The following PLEKHA6 variants were observed in gnomAD, a reference collection of about 807,000 sequenced individuals.
PLEKHA6 encodes pleckstrin homology domain containing A6, also known as pleckstrin homology domain-containing family A member 6.
A neutral mutation model predicts 116.7 loss-of-function variants in PLEKHA6; 60 were observed. The observed-to-expected ratio is 0.51, with a 90% CI of 0.42 to 0.64. The LOEUF (loss-of-function observed/expected upper bound fraction) is 0.64, where lower values mean the gene tolerates loss of function less well. Ranked by LOEUF, PLEKHA6 falls within the 30% of genes least tolerant of loss-of-function variation. The pLI is 0.00. For synonymous variants in PLEKHA6, 489 were observed against 556.1 expected (o/e 0.88, Z 1.70); for missense variants, 1,338 against 1,422.7 (o/e 0.94, Z 0.96).
upstream of PLEKHA6, among the ~76,000 whole-genome samples, chr1:204,363,861 T>A (rs1223970473): frequency 6.6e-6 from 1 of 152,106 alleles, no homozygotes; most frequent in African/African-American, 2.4e-5. Flanking sequence ...ATTCTTGCGG[T>A]AAGTGCATAC....
At chr1:204,292,003 A>G (rs1669815859) in intron 1 of PLEKHA6, among the ~76,000 whole-genome samples, 1 of 152,200 alleles carries the variant, frequency 6.6e-6, no homozygotes, top group Admixed American at 6.5e-5. Context: ...TCACATGGTG[A>G]TGGAATGAGG....
chr1:204,314,266 A>G (rs1362910265), intron 1 of PLEKHA6, among the ~76,000 whole-genome samples: 1 of 152,210 alleles, frequency 6.6e-6, no homozygotes, highest in Admixed American at 6.5e-5. Context: ...CCTGTGTCTC[A>G]GAGTCCTGTT....
At chr1:204,318,877 A>G (rs1422859628) in intron 1 of PLEKHA6, among the ~76,000 whole-genome samples, 3 of 152,154 alleles carry the variant, frequency 2.0e-5, no homozygotes, top group Non-Finnish European at 2.9e-5. Flanking sequence ...TAGGAGGGGA[A>G]TATTCTCTGA....
chr1:204,298,231 A>G (rs1670475562), intron 1 of PLEKHA6, among the ~76,000 whole-genome samples: 1 of 152,208 alleles, frequency 6.6e-6, no homozygotes, highest in African/African-American at 2.4e-5. Flanking sequence ...CCTAAGCAAG[A>G]TGGTGGGCCT....
At chr1:204,284,502 C>G (rs1276459286) in intron 1 of PLEKHA6, among the ~76,000 whole-genome samples, 1 of 152,154 alleles carries the variant, frequency 6.6e-6, no homozygotes, top group East Asian at 1.9e-4. Context: ...AGCGATATCC[C>G]TGCACTGCTG....
upstream of PLEKHA6, among the ~76,000 whole-genome samples, chr1:204,363,068 C>G (rs1026754066): frequency 6.6e-6 from 1 of 152,252 alleles, no homozygotes; most frequent in Non-Finnish European, 1.5e-5. Context: ...TGTACCAGAA[C>G]TGCTGCCCCA....
intron 1 of PLEKHA6, among the ~76,000 whole-genome samples, chr1:204,292,512 G>C (rs1669871775): frequency 6.6e-6 from 1 of 151,598 alleles, no homozygotes; most frequent in Admixed American, 6.6e-5. Context: ...ACCCACCTGT[G>C]TCCCTCACCC....
At chr1:204,247,953 T>A (rs1571865350) in intron 12 of PLEKHA6, among the ~76,000 whole-genome samples, 2 of 148,380 alleles carry the variant, frequency 1.3e-5, no homozygotes, top group Non-Finnish European at 1.5e-5. Flanking sequence ...ACCCTGTTCT[T>A]AAAAAAAAAA....
rs113558730 is a variant in PLEKHA6 at position 204,374,745 on chromosome 1, A to G, written c.83+2838T>C. Reference sequence around the variant, plus strand: ...GTCTAAACACGCTGCCTCCCACTCAATGCCATGTCCCCTGGCAGCTTCATG... The same window carrying G: ...GTCTAAACACGCTGCCTCCCACTCAGTGCCATGTCCCCTGGCAGCTTCATG... On this transcript the variant is annotated intron_variant, in intron 1 of 4. Transcript: ENST00000564627. Among the ~76,000 whole-genome samples the G allele has an allele frequency of 1.1e-3, 160 of 151,956 alleles. 1 individual carries two copies. Among genetic ancestry groups the G allele is most frequent in the African/African-American group, 2.5e-3 (104 of 41,424 alleles).
At chr1:204,245,229 A>C (rs1396357866) in intron 14 of PLEKHA6, among the ~76,000 whole-genome samples, 4 of 151,996 alleles carry the variant, frequency 2.6e-5, no homozygotes, top group Non-Finnish European at 5.9e-5. Flanking sequence ...GGTAGATGGA[A>C]CTGATACTGT....
At chr1:204,308,581 G>A (rs761175034) in intron 1 of PLEKHA6, among the ~76,000 whole-genome samples, 5 of 151,818 alleles carry the variant, frequency 3.3e-5, no homozygotes, top group Non-Finnish European at 4.4e-5. Flanking sequence ...AGTAAATAAG[G>A]TAACATGTAT....
intron 1 of PLEKHA6, chr1:204,320,543 C>A (rs1291288306): frequency 3.2e-6 from 3 of 930,060 alleles, no homozygotes; most frequent in Non-Finnish European, 3.8e-6. Context: ...AGCAACTTGG[C>A]TTCTCTCTGG....
intron 1 of PLEKHA6, among the ~76,000 whole-genome samples, chr1:204,294,493 C>A (rs968827178): frequency 6.6e-6 from 1 of 152,222 alleles, no homozygotes; most frequent in South Asian, 2.1e-4. Flanking sequence ...AGTGAGAGAA[C>A]TGGGATTAGA....
intron 10 of PLEKHA6, among the ~76,000 whole-genome samples, 172 bp downstream of exon 10, chr1:204,250,371 CTTG>C (rs1664371527): frequency 6.6e-6 from 1 of 152,174 alleles, no homozygotes; most frequent in African/African-American, 2.4e-5. Context: ...TAGGCAGAAT[CTTG>C]TTGTGGTGAG....
intron 1 of PLEKHA6, chr1:204,308,926 T>C (rs1171062303): frequency 5.9e-6 from 1 of 169,988 alleles, no homozygotes; most frequent in Non-Finnish European, 1.2e-5. Context: ...CCTGACCTCA[T>C]GATCCGCCCA....
upstream of PLEKHA6, chr1:204,378,079 G>C (rs1469801049): frequency 2.0e-5 from 3 of 152,340 alleles, no homozygotes; most frequent in African/African-American, 7.2e-5. Context: ...CTGCCCTCCA[G>C]CCTGGCGGAG....
chr1:204,262,309 C>G (rs1275865965), intron 6 of PLEKHA6, among the ~76,000 whole-genome samples: 1 of 152,172 alleles, frequency 6.6e-6, no homozygotes, highest in Non-Finnish European at 1.5e-5. Flanking sequence ...CTGCTCCTGA[C>G]CAGCTCTGCA....
At chr1:204,284,408 A>ATTATGAACACCTCCTTT (rs1264921077) in intron 1 of PLEKHA6, among the ~76,000 whole-genome samples, 2 of 152,166 alleles carry the variant, frequency 1.3e-5, no homozygotes, top group Non-Finnish European at 1.5e-5. Flanking sequence ...ATTGTGGGAA[A>ATTATGAACACCTCCTTT]TTATGAACAC....
Position 204,221,713 on chromosome 1 carries a change from C to G in PLEKHA6, c.*1075G>C, listed in dbSNP as rs1659658614. The G allele has an allele frequency of 1.3e-5, 2 of 152,604 alleles. No homozygotes were observed. The highest frequency in any genetic ancestry group is 2.9e-5 in the Non-Finnish European group (2 of 68,370). The allele number at this position is 152,604 out of a possible 1,614,324, so 9.5% of individuals were successfully genotyped here. A position where few individuals can be genotyped will look rare whatever the true frequency, so the allele number is the denominator to read the frequency against. On this transcript the variant is annotated 3_prime_UTR_variant, in exon 23 of 23. Transcript: ENST00000272203. Reference sequence around the variant, plus strand: ...ATAAGACAAGTCCTTCTCTCTGCCCCTTACCCCAGGATGGCGAGGCAGACA... The same window carrying G: ...ATAAGACAAGTCCTTCTCTCTGCCCGTTACCCCAGGATGGCGAGGCAGACA...
Sources: gnomAD v4.1 joint callset for allele counts (sites outside exome capture counted in the v4.1 genomes callset) on GRCh38, gnomAD v4.1.1 for gene constraint, MANE v1.5 for transcripts, NCBI Gene and HGNC (gene_info 2026-07-23, HGNC 2026-07-21) for gene names.